The following AASS variants were observed in gnomAD, a reference collection of about 807,000 sequenced individuals.
AASS encodes aminoadipate-semialdehyde synthase, also known as alpha-aminoadipic semialdehyde synthase, mitochondrial.
AASS carries 86 observed loss-of-function variants against 105.4 expected under a neutral mutation model. The observed-to-expected ratio is 0.82, with a 90% CI of 0.69 to 0.98. AASS has a LOEUF of 0.98. Ranked by LOEUF, AASS falls within the 50% of genes least tolerant of loss-of-function variation. AASS has a pLI of 0.00. For synonymous variants in AASS, 381 were observed against 394.8 expected (o/e 0.96, Z 0.41); for missense variants, 1,048 against 1,143.2 (o/e 0.92, Z 1.20).
At position 122,129,478 on chromosome 7, in the gene AASS, TA is replaced by T. The variant is rs1204862264; in HGVS notation, c.269del (p.Leu90Ter). The part of the protein sequence containing the change: ...QEDISEACLI[L>X]GVKRPPEEKL... ...TTTCCTCTGGAGGTCTTTTAACTCC[TA>T]AAATTAGACAAGCTTCAGAAATATC... On this transcript the variant is annotated frameshift_variant, in exon 3 of 24. Coordinates refer to ENST00000417368, the MANE Select transcript of AASS (RefSeq NM_005763.4). LOFTEE classifies it high-confidence loss of function. 1.2e-6 allele frequency: 2 copies of T among 1,613,650 alleles called. No homozygotes were observed. Among genetic ancestry groups the T allele is most frequent in the Non-Finnish European group, 1.7e-6 (2 of 1,179,732 alleles).
At chr7:122,118,759 C>A (rs1383624429) in intron 4 of AASS, 129 bp from the exon 5 acceptor site, 11 of 920,924 alleles carry the variant, frequency 1.2e-5, no homozygotes, top group Non-Finnish European at 1.7e-5. Context: ...TTAGAAGAGG[C>A]CTCAGTAGAT....
chr7:122,113,770 C>G (rs955637083), intron 9 of AASS, 50 bp from the exon 10 acceptor site: 1 of 1,598,616 alleles, frequency 6.3e-7, no homozygotes, highest in African/African-American at 1.3e-5. Context: ...CTGAAGTCTC[C>G]AACAAGACTA....
Position 122,076,166 on chromosome 7 carries a change from T to G in AASS, c.*323A>C, listed in dbSNP as rs1792993827. The G allele has an allele frequency of 3.4e-6, 1 of 296,518 alleles. No homozygotes were observed. The highest frequency in any genetic ancestry group is 6.4e-6 in the Non-Finnish European group (1 of 155,508). The allele number at this position is 296,518 out of a possible 1,614,324, so 18.4% of individuals were successfully genotyped here. On this transcript the variant is annotated 3_prime_UTR_variant, in exon 24 of 24. Coordinates refer to ENST00000417368, the MANE Select transcript of AASS (RefSeq NM_005763.4). ...TCCAGCCTGGGTGACAGAGCGAGAC[T>G]CCATCTCAAAAAACAACAACAACAA... is the stretch of plus-strand genomic sequence containing the variant.
At position 122,091,150 on chromosome 7, in the gene AASS, A is replaced by C. The variant is rs143609769; in HGVS notation, c.2016+553T>G. On this transcript the variant is annotated intron_variant, in intron 18 of 23. Coordinates refer to ENST00000417368, the MANE Select transcript of AASS (RefSeq NM_005763.4). ...GAATCTCAGCCAAATGACCTTGGAC[A>C]TGCTCTCTGAGCCATAGCTTTCTTA... Among the ~76,000 whole-genome samples the C allele has an allele frequency of 4.0e-4, 61 of 152,334 alleles. No homozygotes were observed. In the East Asian group the frequency reaches 0.012, roughly 29 times the overall value.
In AASS at chr7:122,093,087, G is replaced by A; in HGVS notation, c.1727C>T (p.Ala576Val). ...TTTTAGTGCTGGTGTGATGTAGCTT[G>A]CAGTGACCATGTTAACTTTGTTTGT... ...CITNKVNMVT[A>V]SYITPALKEL... The change falls in exon 16 of 24, where the codon GCA (alanine) becomes GTA (valine). Residue 576 changes from alanine to valine, a missense_variant. Physicochemically the swap from Ala to Val is moderately conservative, Grantham distance 64. Transcript: ENST00000417368. The A allele has an allele frequency of 6.2e-7, 1 of 1,613,978 alleles. No homozygotes were observed. The highest frequency in any genetic ancestry group is 8.5e-7 in the Non-Finnish European group (1 of 1,179,892).
At chr7:122,097,673 T>A (rs1323816911) in intron 15 of AASS, among the ~76,000 whole-genome samples, 1 of 152,096 alleles carries the variant, frequency 6.6e-6, no homozygotes, top group Non-Finnish European at 1.5e-5. Context: ...AGTAATACTC[T>A]ATTTCAGGAT....
chr7:122,117,732 T>C (rs1306219520), intron 6 of AASS, among the ~76,000 whole-genome samples: 1 of 152,078 alleles, frequency 6.6e-6, no homozygotes, highest in Non-Finnish European at 1.5e-5. Flanking sequence ...CTCGGCTCAC[T>C]GCAACATTTG....
intron 15 of AASS, among the ~76,000 whole-genome samples, chr7:122,097,641 A>G (rs1021221712): frequency 6.6e-6 from 1 of 151,980 alleles, no homozygotes; most frequent in African/African-American, 2.4e-5. Flanking sequence ...CTGTGTCTAG[A>G]TGTTAGATCT....
chr7:122,125,792 ACTAT>A (rs796968609), intron 4 of AASS, among the ~76,000 whole-genome samples: 1 of 151,312 alleles, frequency 6.6e-6, no homozygotes, highest in Non-Finnish European at 1.5e-5. Flanking sequence ...AAGAGAAGTT[ACTAT>A]TTATTCCTAA....
chr7:122,078,334 T>C (rs956645867), intron 22 of AASS, among the ~76,000 whole-genome samples: 8 of 150,674 alleles, frequency 5.3e-5, no homozygotes, highest in African/African-American at 7.3e-5. Context: ...AAAAGTAATG[T>C]CGGGCGCGGT....
At chr7:122,079,818 T>C in intron 20 of AASS, 106 bp from the exon 21 acceptor site, 1 of 755,390 alleles carries the variant, frequency 1.3e-6, no homozygotes, top group Non-Finnish European at 2.3e-6. Flanking sequence ...ACACCTCAAA[T>C]TTTAAAATTA....
Position 122,076,472 on chromosome 7 carries a change from C to T in AASS, c.*17G>A. 6.3e-7 allele frequency: 1 copy of T among 1,581,978 alleles called. No homozygotes were observed. The highest frequency in any genetic ancestry group is 8.7e-7 in the Non-Finnish European group (1 of 1,150,858). ...GGTGTATTGCCTGGGAAGAAAAAAA[C>T]AAAATATAATTCCCAATTATGGTTT... On this transcript the variant is annotated 3_prime_UTR_variant, in exon 24 of 24. Transcript: ENST00000417368.
intron 11 of AASS, among the ~76,000 whole-genome samples, chr7:122,109,364 G>A (rs955971946): frequency 2.0e-5 from 3 of 150,856 alleles, no homozygotes; most frequent in Non-Finnish European, 3.0e-5. Flanking sequence ...CAAAAAGAAC[G>A]AAGCTGGAGG....
At chr7:122,126,209 C>T (rs544664783) in intron 4 of AASS, among the ~76,000 whole-genome samples, 166 bp downstream of exon 4, 2 of 152,308 alleles carry the variant, frequency 1.3e-5, no homozygotes, top group South Asian at 4.1e-4. Flanking sequence ...AACCATTTAT[C>T]TTCATACTTT....
rs1364952049 is a variant in AASS at position 122,079,710 on chromosome 7, T to C, written c.2283A>G (p.Lys761=). 1 of 1,609,094 alleles carries C rather than the reference T, an allele frequency of 6.2e-7. No individual in the cohort carries two copies. The highest frequency in any genetic ancestry group is 1.7e-5 in the Admixed American group (1 of 59,992). Residue 761 remains lysine, a splice_region_variant and synonymous_variant, in exon 21 of 24, where the codon AAA becomes AAG. Coordinates refer to ENST00000417368, the MANE Select transcript of AASS (RefSeq NM_005763.4). ...FRPEANPLTW[K]QLLCDLVGIS... ...TCCCAACTAGGTCACAGAGGAGTTG[T>C]TTCTGGTTAGAAAAAGAAATACAAT... is the stretch of plus-strand genomic sequence containing the variant.
At chr7:122,131,898 C>T (rs1305238321) in intron 2 of AASS, among the ~76,000 whole-genome samples, 1 of 151,924 alleles carries the variant, frequency 6.6e-6, no homozygotes, top group Non-Finnish European at 1.5e-5. Flanking sequence ...AGAGAAGCCC[C>T]CTTGGAAGGA....
intron 13 of AASS, 127 bp downstream of exon 13, chr7:122,101,244 A>G: frequency 1.3e-6 from 1 of 797,364 alleles, no homozygotes; most frequent in South Asian, 1.6e-5. Flanking sequence ...TACATTTTCA[A>G]ACATTATCAA....
At chr7:122,076,818 A>G (rs1241958688) in intron 23 of AASS, among the ~76,000 whole-genome samples, 1 of 152,244 alleles carries the variant, frequency 6.6e-6, no homozygotes, top group Non-Finnish European at 1.5e-5. Context: ...GATTGAAAGC[A>G]CAGCCGGACC....
intron 4 of AASS, among the ~76,000 whole-genome samples, chr7:122,123,918 C>T (rs1326634102): frequency 1.3e-5 from 2 of 152,186 alleles, no homozygotes; most frequent in East Asian, 1.9e-4. Context: ...CCTGTGGGTA[C>T]TGAAAGAACT....
Sources: gnomAD v4.1 joint callset for allele counts (sites outside exome capture counted in the v4.1 genomes callset) on GRCh38, gnomAD v4.1.1 for gene constraint, MANE v1.5 for transcripts, NCBI Gene and HGNC (gene_info 2026-07-23, HGNC 2026-07-21) for gene names.